ZNF638: variants seen among roughly 807,000 people sequenced by gnomAD.
ZNF638 encodes zinc finger protein 638, also known as CTCL tumor antigen se33-1.
Under a neutral mutation model 195.6 loss-of-function variants are expected in ZNF638, and 46 were observed. The observed-to-expected ratio is 0.24, with a 90% CI of 0.19 to 0.30. ZNF638 has a LOEUF of 0.30. Ranked by LOEUF, ZNF638 falls within the 10% of genes least tolerant of loss-of-function variation. The pLI, the probability that ZNF638 is intolerant of heterozygous loss-of-function variation, is 1.00. For synonymous variants in ZNF638, 845 were observed against 772.0 expected (o/e 1.09, Z -1.57); for missense variants, 2,440 against 2,325.3 (o/e 1.05, Z -1.01).
intron 20 of ZNF638, among the ~76,000 whole-genome samples, chr2:71,411,352 T>C (rs1047302763): frequency 1.3e-5 from 2 of 151,606 alleles, no homozygotes; most frequent in Non-Finnish European, 2.9e-5. Context: ...ATTTTTAATA[T>C]TCTGTTTTTC....
At chr2:71,363,840 T>G in intron 4 of ZNF638, 114 bp from the exon 5 acceptor site, 13 of 1,292,398 alleles carry the variant, frequency 1.0e-5, no homozygotes, top group Non-Finnish European at 1.2e-5. Context: ...ATATCTTTTA[T>G]GAGAGTTTGG....
In ZNF638 at chr2:71,364,268, T is replaced by A. The variant is rs1308519056; in HGVS notation, c.1717+16T>A. 3.1e-6 allele frequency: 5 copies of A among 1,594,858 alleles called. No homozygotes were observed. Among genetic ancestry groups the A allele is most frequent in the Non-Finnish European group, 4.3e-6 (5 of 1,169,920 alleles). On this transcript the variant is annotated intron_variant, in intron 5 of 27. Coordinates refer to ENST00000264447, the MANE Select transcript of ZNF638 (RefSeq NM_014497.5). ...AGATCATCAGGTACACTGATGGCCA[T>A]GAAATAGTGAATGTACTTATTTTGA...
At chr2:71,374,559 ACT>A (rs965233331) in intron 8 of ZNF638, among the ~76,000 whole-genome samples, 2 of 152,232 alleles carry the variant, frequency 1.3e-5, no homozygotes, top group African/African-American at 4.8e-5. Flanking sequence ...AAAAAAACTT[ACT>A]GGAATTTAAT....
chr2:71,426,185 ACT>A (rs1371203485), intron 23 of ZNF638, among the ~76,000 whole-genome samples: 2 of 152,290 alleles, frequency 1.3e-5, no homozygotes, highest in African/African-American at 2.4e-5. Flanking sequence ...ATACTTCGAA[ACT>A]CTTCATTTAG....
intron 23 of ZNF638, among the ~76,000 whole-genome samples, 182 bp from the exon 24 acceptor site, chr2:71,426,278 G>T (rs2080537847): frequency 6.6e-6 from 1 of 151,966 alleles, no homozygotes; most frequent in Admixed American, 6.6e-5. Flanking sequence ...TATACTTTGT[G>T]AATTATAGCT....
rs542759028 is a variant in ZNF638, at chr2:71,417,660, G to GT, written c.3262-929dup. On this transcript the variant is annotated intron_variant, in intron 20 of 27. Coordinates refer to ENST00000264447, the MANE Select transcript of ZNF638 (RefSeq NM_014497.5). ...TAGAGTTCCTCTGATACCATGCAGG[G>GT]TTTTTTTTTTTTTCTCTCTAATAAA... Among the ~76,000 whole-genome samples the GT allele has an allele frequency of 7.5e-3, 1,082 of 144,348 alleles. 6 individuals carry two copies. The highest frequency in any genetic ancestry group is 0.021 in the African/African-American group (819 of 39,686). 94.7% of individuals were successfully genotyped at this position (144,348 alleles called of 152,430 possible). A position where few individuals can be genotyped will look rare whatever the true frequency, so the allele number is the denominator to read the frequency against.
intron 8 of ZNF638, among the ~76,000 whole-genome samples, chr2:71,373,690 T>G (rs958046569): frequency 1.3e-5 from 2 of 152,092 alleles, no homozygotes; most frequent in African/African-American, 4.8e-5. Context: ...AGTGCTGGGA[T>G]TACAGGCGTG....
intron 1 of ZNF638, among the ~76,000 whole-genome samples, chr2:71,346,002 G>A (rs2078844660): frequency 6.6e-6 from 1 of 152,172 alleles, no homozygotes; most frequent in Non-Finnish European, 1.5e-5. Flanking sequence ...TCATTGTAAT[G>A]CAATGTTGGG....
chr2:71,364,082 A>G lies in ZNF638; in HGVS notation c.1547A>G (p.Tyr516Cys). Reference sequence around the variant, plus strand: ...TCTCGAAGCCCAATGCATTACATGTATAGGCCGAGAAGTCGAAGTCCAAGA... The same window carrying G: ...TCTCGAAGCCCAATGCATTACATGTGTAGGCCGAGAAGTCGAAGTCCAAGA... ...RRSRSPMHYM[Y>C]RPRSRSPRIC... Residue 516 changes from tyrosine to cysteine, a missense_variant, in exon 5 of 28, where the codon TAT (tyrosine) becomes TGT (cysteine). Transcript: ENST00000264447. 6.2e-7 allele frequency: 1 copy of G among 1,614,194 alleles called. No homozygotes were observed. The highest frequency in any genetic ancestry group is 1.1e-5 in the South Asian group (1 of 91,088).
intron 1 of ZNF638, among the ~76,000 whole-genome samples, chr2:71,344,486 G>A (rs1469503704): frequency 2.7e-5 from 4 of 150,240 alleles, no homozygotes; most frequent in African/African-American, 7.3e-5. Flanking sequence ...AAAAAGTAGA[G>A]TGTTAGCTAT....
At chr2:71,403,100 T>C (rs1488264204) in intron 16 of ZNF638, among the ~76,000 whole-genome samples, 5 of 152,134 alleles carry the variant, frequency 3.3e-5, no homozygotes, top group African/African-American at 7.2e-5. Context: ...TTAAAATATT[T>C]GGAGACTTAA....
chr2:71,354,818 C>T (rs905190880), intron 2 of ZNF638, among the ~76,000 whole-genome samples: 1 of 151,016 alleles, frequency 6.6e-6, no homozygotes, highest in African/African-American at 2.4e-5. Flanking sequence ...GATATTGTAT[C>T]TTTGAAATGT....
intron 1 of ZNF638, among the ~76,000 whole-genome samples, chr2:71,345,345 T>C (rs539752249): frequency 6.6e-6 from 1 of 152,290 alleles, no homozygotes; most frequent in African/African-American, 2.4e-5. Flanking sequence ...CTTACTTTTT[T>C]TAACCATTGA....
chr2:71,354,081 A>G (rs1414559415), intron 2 of ZNF638, among the ~76,000 whole-genome samples: 1 of 152,242 alleles, frequency 6.6e-6, no homozygotes, highest in African/African-American at 2.4e-5. Context: ...CTTCTTTCAG[A>G]TAGTTCTTGC....
chr2:71,432,379 T>C (rs2080683479), intron 26 of ZNF638, among the ~76,000 whole-genome samples: 1 of 152,154 alleles, frequency 6.6e-6, no homozygotes, highest in Non-Finnish European at 1.5e-5. Flanking sequence ...TTTTGTATTT[T>C]TGGTAGATAC....
intron 10 of ZNF638, among the ~76,000 whole-genome samples, chr2:71,392,802 C>T (rs2079809222): frequency 6.6e-6 from 1 of 152,106 alleles, no homozygotes; most frequent in African/African-American, 2.4e-5. Context: ...CTTCCTTGAA[C>T]AGGTGTTAAC....
intron 8 of ZNF638, among the ~76,000 whole-genome samples, chr2:71,377,859 A>G (rs1380212275): frequency 1.3e-5 from 2 of 152,254 alleles, no homozygotes; most frequent in East Asian, 1.9e-4. Flanking sequence ...CAGTTTAACT[A>G]TACAAAGAAA....
chr2:71,379,518 A>G (rs1172199677), intron 8 of ZNF638: 1 of 152,082 alleles, frequency 6.6e-6, no homozygotes, highest in Non-Finnish European at 1.5e-5. Flanking sequence ...TTTAACCCTC[A>G]TTTTACTTAA....
At chr2:71,406,368 C>A in intron 19 of ZNF638, 106 bp downstream of exon 19, 2 of 986,688 alleles carry the variant, frequency 2.0e-6, no homozygotes, top group African/African-American at 1.6e-5. Flanking sequence ...GTAAATATTA[C>A]TCAACCACTT....
Sources: gnomAD v4.1 joint callset for allele counts (sites outside exome capture counted in the v4.1 genomes callset) on GRCh38, gnomAD v4.1.1 for gene constraint, MANE v1.5 for transcripts, NCBI Gene and HGNC (gene_info 2026-07-23, HGNC 2026-07-21) for gene names.